Variants in TRIM37 observed in about 807,000 individuals in gnomAD.
TRIM37 encodes the protein E3 ubiquitin-protein ligase TRIM37.
In TRIM37, 80 loss-of-function variants were observed where a neutral mutation model predicts 129.8. The ratio of observed to expected loss-of-function variants is 0.62; its 90% CI spans 0.51 to 0.74. The LOEUF is 0.74. Among genes scored for constraint, TRIM37 ranks in the 30% least tolerant of loss-of-function variants. The pLI is 0.00. For synonymous variants in TRIM37, 389 were observed against 387.1 expected (o/e 1.00, Z -0.06); for missense variants, 1,054 against 1,176.5 (o/e 0.90, Z 1.52).
At chr17:59,083,447 A>G (rs2043484326) in intron 5 of TRIM37, among the ~76,000 whole-genome samples, 1 of 152,124 alleles carries the variant, frequency 6.6e-6, no homozygotes, top group African/African-American at 2.4e-5. Context: ...AAAAAAAAAA[A>G]AAGTATTCAG....
At chr17:59,096,287 C>A (rs2044855279) in intron 2 of TRIM37, among the ~76,000 whole-genome samples, 1 of 151,706 alleles carries the variant, frequency 6.6e-6, no homozygotes. Flanking sequence ...CACAGTGGCT[C>A]ACGCCTGTAA....
chr17:59,083,619 C>T (rs940229906), intron 5 of TRIM37, among the ~76,000 whole-genome samples: 4 of 151,994 alleles, frequency 2.6e-5, no homozygotes, highest in Admixed American at 2.0e-4. Context: ...TCTAGATAGG[C>T]GTACTCATGT....
chr17:59,094,533 T>C (rs2044680422), intron 2 of TRIM37, among the ~76,000 whole-genome samples: 1 of 151,978 alleles, frequency 6.6e-6, no homozygotes, highest in Non-Finnish European at 1.5e-5. Context: ...AACAAGAGAA[T>C]CAACATATCT....
At chr17:59,081,964 A>AAAATAAT (rs1568200247) in intron 5 of TRIM37, among the ~76,000 whole-genome samples, 7 of 87,222 alleles carry the variant, frequency 8.0e-5, no homozygotes, top group Non-Finnish European at 1.5e-4. Flanking sequence ...AAAAAAAAAA[A>AAAATAAT]AATAATAATA....
chr17:59,007,764 G>A (rs1279215640), intron 22 of TRIM37, among the ~76,000 whole-genome samples: 1 of 152,096 alleles, frequency 6.6e-6, no homozygotes, highest in Non-Finnish European at 1.5e-5. Flanking sequence ...TCATATCTAA[G>A]AAAAAAGTTA....
At chr17:59,054,429 G>A (rs1287673884) in intron 13 of TRIM37, among the ~76,000 whole-genome samples, 1 of 151,980 alleles carries the variant, frequency 6.6e-6, no homozygotes, top group African/African-American at 2.4e-5. Flanking sequence ...AGCTTCCCAA[G>A]TAGCTGGGAT....
chr17:59,062,841 G>C (rs551991893), intron 10 of TRIM37, among the ~76,000 whole-genome samples, 193 bp from the exon 11 acceptor site: 2 of 152,068 alleles, frequency 1.3e-5, no homozygotes, highest in African/African-American at 4.8e-5. Context: ...AAAATTTAAA[G>C]ATACTGAAAT....
chr17:59,061,064 C>T lies in TRIM37; in HGVS notation c.987G>A (p.Leu329=). Residue 329 remains leucine (L), a synonymous_variant, in exon 12 of 24, where the codon CTG becomes CTA. Coordinates refer to ENST00000262294, the MANE Select transcript of TRIM37 (RefSeq NM_015294.6). ...TTTCAGGCAAGCCAGCTGAGAGCTC[C>T]AGAAACACAGATAAGTAGTAACCTC... ...VVRGYYLSVF[L]ELSAGLPETS... is the part of the protein sequence containing the mutation. 6.2e-7 allele frequency: 1 copy of T among 1,613,570 alleles called. No homozygotes were observed. Among genetic ancestry groups the T allele is most frequent in the South Asian group, 1.1e-5 (1 of 91,064 alleles).
At chr17:58,980,612 T>C (rs769412144), downstream of TRIM37, 21 of 1,614,116 alleles carry the variant, frequency 1.3e-5, no homozygotes, top group Admixed American at 5.0e-5. The surrounding 1 kb of genome is among the most constrained non-coding windows in gnomAD (Gnocchi z 4.7). Flanking sequence ...TCAGTCATCA[T>C]TGCCTGAATG....
At chr17:59,075,548 A>G in intron 8 of TRIM37, 99 bp downstream of exon 8, 1 of 830,528 alleles carries the variant, frequency 1.2e-6, no homozygotes, top group South Asian at 1.6e-5. Context: ...TGGGCGACAG[A>G]GAGAGACTCC....
At chr17:59,036,447 G>GGTGTGTGTGTGTGTGTGTGT (rs10625636) in intron 17 of TRIM37, among the ~76,000 whole-genome samples, 4 of 140,582 alleles carry the variant, frequency 2.8e-5, no homozygotes, top group African/African-American at 8.2e-5. Context: ...ATTTGCTGGG[G>GGTGTGTGTGTGTGTGTGTGT]GTGTGTGTGT....
At chr17:59,051,361 T>C (rs749698558) in intron 13 of TRIM37, 33 bp from the exon 14 acceptor site, 1 of 1,422,706 alleles carries the variant, frequency 7.0e-7, no homozygotes, top group Non-Finnish European at 9.9e-7. Flanking sequence ...AAAAAAAAAA[T>C]TCAAATAGTA....
intron 17 of TRIM37, among the ~76,000 whole-genome samples, chr17:59,033,953 A>G (rs532070505): frequency 2.6e-5 from 4 of 151,888 alleles, no homozygotes; most frequent in African/African-American, 9.7e-5. Context: ...CCAAAATACA[A>G]AAGAATAGCC....
At chr17:59,016,329 G>A (rs190591316) in intron 20 of TRIM37, among the ~76,000 whole-genome samples, 1,713 of 150,350 alleles carry the variant, frequency 0.011, 19 homozygotes, top group Non-Finnish European at 0.017. Context: ...GGCGGGCGGA[G>A]GTTGCGGTGA....
At chr17:58,976,780 T>G in the TRIM37 span, among the ~76,000 whole-genome samples, 56 of 152,190 alleles carry the variant, frequency 3.7e-4, no homozygotes, top group Non-Finnish European at 5.7e-4. Flanking sequence ...TACAAATCTT[T>G]GTATGTTCTG....
At chr17:58,972,191 G>A in the TRIM37 span, 1 of 1,613,720 alleles carries the variant, frequency 6.2e-7, no homozygotes, top group Non-Finnish European at 8.5e-7. Context: ...TGCTACATGT[G>A]GCCTGGGTGG....
intron 7 of TRIM37, among the ~76,000 whole-genome samples, chr17:59,078,268 T>TA (rs148178959): frequency 0.012 from 1,753 of 152,256 alleles, 28 homozygotes; most frequent in African/African-American, 0.039. Flanking sequence ...GAATCCTATT[T>TA]AATCATAAAA....
At chr17:59,075,892 TG>T (rs1355993148) in intron 7 of TRIM37, among the ~76,000 whole-genome samples, 178 bp from the exon 8 acceptor site, 1 of 152,332 alleles carries the variant, frequency 6.6e-6, no homozygotes, top group Middle Eastern at 3.4e-3. Context: ...ATAGTAGCCT[TG>T]AAAATGGAAC....
At chr17:59,043,274 G>A (rs553494933) in intron 16 of TRIM37, among the ~76,000 whole-genome samples, 5 of 152,186 alleles carry the variant, frequency 3.3e-5, no homozygotes, top group Admixed American at 3.3e-4. Context: ...AGCTCTGTAG[G>A]TCTGCTCTTT....
Sources: gnomAD v4.1 joint callset for allele counts (sites outside exome capture counted in the v4.1 genomes callset) on GRCh38, gnomAD v4.1.1 for gene constraint, Gnocchi (gnomAD v3.1) non-coding constraint, MANE v1.5 for transcripts, NCBI Gene and HGNC (gene_info 2026-07-23, HGNC 2026-07-21) for gene names.